Variants in ADGRB3 observed in about 807,000 individuals in gnomAD.
ADGRB3 encodes adhesion G protein-coupled receptor B3.
A neutral mutation model predicts 193.4 loss-of-function variants in ADGRB3; 37 were observed. The observed-to-expected ratio is 0.19, with a 90% CI of 0.15 to 0.25. The LOEUF is 0.25. ADGRB3 is among the 10% of genes least tolerant of loss of function. The pLI is 1.00. For missense variants in ADGRB3, 1,637 were observed against 1,852.9 expected (o/e 0.88, Z 2.14); for synonymous variants, 690 against 644.2 (o/e 1.07, Z -1.08).
At chr6:68,880,150 G>A (rs1582278515) in intron 3 of ADGRB3, among the ~76,000 whole-genome samples, 1 of 152,154 alleles carries the variant, frequency 6.6e-6, no homozygotes, top group South Asian at 2.1e-4. Context: ...TTCGGATAAG[G>A]CAGCCACTGC....
At chr6:68,819,294 C>T (rs562549724) in intron 3 of ADGRB3, among the ~76,000 whole-genome samples, 1 of 151,956 alleles carries the variant, frequency 6.6e-6, no homozygotes, top group Admixed American at 6.6e-5. Context: ...CATTTCTCAT[C>T]GCTCTCCTCC....
intron 3 of ADGRB3, among the ~76,000 whole-genome samples, chr6:68,646,432 G>A (rs988594218): frequency 6.7e-5 from 10 of 149,574 alleles, no homozygotes; most frequent in African/African-American, 2.5e-4. Context: ...AGCAGAGATC[G>A]GGCCACTGCA....
intron 17 of ADGRB3, among the ~76,000 whole-genome samples, chr6:69,143,237 T>C (rs935553635): frequency 2.0e-5 from 3 of 152,204 alleles, no homozygotes; most frequent in African/African-American, 7.2e-5. Context: ...TCACAGATTT[T>C]TTTTTTCCTT....
chr6:68,833,845 GA>G (rs1674781826), intron 3 of ADGRB3, among the ~76,000 whole-genome samples: 1 of 151,586 alleles, frequency 6.6e-6, no homozygotes, highest in Non-Finnish European at 1.5e-5. Flanking sequence ...TATTTTTCTG[GA>G]ATTAGAAAAG....
At chr6:69,016,326 A>G (rs961641785) in intron 12 of ADGRB3, among the ~76,000 whole-genome samples, 9 of 152,098 alleles carry the variant, frequency 5.9e-5, no homozygotes, top group African/African-American at 2.2e-4. Context: ...AAACACATTC[A>G]TTATTTAATA....
intron 17 of ADGRB3, among the ~76,000 whole-genome samples, chr6:69,116,737 C>T (rs547887739): frequency 2.6e-5 from 4 of 152,310 alleles, no homozygotes; most frequent in East Asian, 1.9e-4. Context: ...ATATGATTTT[C>T]GGAATAAAAC....
At chr6:68,801,548 G>A (rs1296989417) in intron 3 of ADGRB3, among the ~76,000 whole-genome samples, 2 of 152,084 alleles carry the variant, frequency 1.3e-5, no homozygotes, top group Non-Finnish European at 2.9e-5. Context: ...AAATGGCTGG[G>A]TGTGGTGGCA....
intron 3 of ADGRB3, among the ~76,000 whole-genome samples, chr6:68,802,282 A>G (rs1207708084): frequency 6.6e-6 from 1 of 151,982 alleles, no homozygotes; most frequent in Admixed American, 6.6e-5. Context: ...TAGGTGGATT[A>G]ATTTTATTAT....
At chr6:69,108,048 GAA>G (rs113477087) in intron 17 of ADGRB3, among the ~76,000 whole-genome samples, 21 of 132,116 alleles carry the variant, frequency 1.6e-4, no homozygotes, top group South Asian at 1.0e-3. Flanking sequence ...AATAAAAATT[GAA>G]AAAAAAAAAA....
At chr6:69,247,671 T>C (rs191937625) in intron 20 of ADGRB3, among the ~76,000 whole-genome samples, 4 of 152,350 alleles carry the variant, frequency 2.6e-5, no homozygotes, top group African/African-American at 9.6e-5. Flanking sequence ...TGATCAACCC[T>C]GCTCACTGTA....
chr6:69,211,299 C>A (rs1219985987), intron 17 of ADGRB3, among the ~76,000 whole-genome samples: 1 of 151,946 alleles, frequency 6.6e-6, no homozygotes, highest in Non-Finnish European at 1.5e-5. Flanking sequence ...CGTGATAGAG[C>A]CAATAAAAGA....
intron 11 of ADGRB3, among the ~76,000 whole-genome samples, chr6:69,001,668 G>C (rs1374221803): frequency 6.6e-6 from 1 of 152,144 alleles, no homozygotes; most frequent in Non-Finnish European, 1.5e-5. Flanking sequence ...GGGGGACAAA[G>C]AAAGAAAATA....
chr6:68,899,888 T>C (rs1285387310), intron 3 of ADGRB3, among the ~76,000 whole-genome samples: 1 of 152,104 alleles, frequency 6.6e-6, no homozygotes, highest in African/African-American at 2.4e-5. Context: ...AATTTTTAAA[T>C]ACATAAAGAA....
chr6:69,132,206 T>C (rs1774029780), intron 17 of ADGRB3, among the ~76,000 whole-genome samples: 1 of 152,166 alleles, frequency 6.6e-6, no homozygotes, highest in African/African-American at 2.4e-5. Flanking sequence ...CGCCACACTG[T>C]CCTCCATAAT....
chr6:68,829,011 C>A (rs1034639022), intron 3 of ADGRB3, among the ~76,000 whole-genome samples: 1 of 150,552 alleles, frequency 6.6e-6, no homozygotes, highest in Non-Finnish European at 1.5e-5. Flanking sequence ...TCATAATATC[C>A]TGTTAGCTAA....
chr6:68,782,645 T>G (rs572279049), intron 3 of ADGRB3, among the ~76,000 whole-genome samples: 3 of 152,190 alleles, frequency 2.0e-5, no homozygotes, highest in South Asian at 2.1e-4. Context: ...TTGTTTCCTG[T>G]CTTTTTAATG....
At chr6:68,642,041 C>T (rs960239351) in intron 3 of ADGRB3, among the ~76,000 whole-genome samples, 1 of 151,624 alleles carries the variant, frequency 6.6e-6, no homozygotes, top group African/African-American at 2.4e-5. Flanking sequence ...TTAAAAATTC[C>T]ACTTATATTT....
intron 24 of ADGRB3, among the ~76,000 whole-genome samples, chr6:69,338,566 C>T (rs908337585): frequency 3.3e-5 from 5 of 152,176 alleles, no homozygotes; most frequent in African/African-American, 1.2e-4. Context: ...GGAGTCCTCA[C>T]ATGTTTGATT....
chr6:68,914,040 A>C (rs979210474), intron 3 of ADGRB3, among the ~76,000 whole-genome samples: 2 of 151,780 alleles, frequency 1.3e-5, no homozygotes, highest in Admixed American at 1.3e-4. Flanking sequence ...ATATGGGACT[A>C]TGTGAAAAGA....
Sources: gnomAD v4.1 joint callset for allele counts (sites outside exome capture counted in the v4.1 genomes callset) on GRCh38, gnomAD v4.1.1 for gene constraint, MANE v1.5 for transcripts, NCBI Gene and HGNC (gene_info 2026-07-23, HGNC 2026-07-21) for gene names.